Variants in ANKRD55 observed in about 807,000 individuals in gnomAD.
The protein encoded by ANKRD55 is ankyrin repeat domain-containing protein 55.
A neutral mutation model predicts 60.6 loss-of-function variants in ANKRD55; 41 were observed. That is an observed-to-expected ratio of 0.68 (90% CI 0.53 to 0.88). The LOEUF (loss-of-function observed/expected upper bound fraction) is 0.88, where lower values mean the gene tolerates loss of function less well. ANKRD55 is among the 40% of genes least tolerant of loss of function. ANKRD55 has a pLI of 0.00. For synonymous variants in ANKRD55, 264 were observed against 290.3 expected (o/e 0.91, Z 0.92); for missense variants, 732 against 767.6 (o/e 0.95, Z 0.55).
chr5:56,131,288 C>G (rs949877294), intron 7 of ANKRD55, among the ~76,000 whole-genome samples: 1 of 152,110 alleles, frequency 6.6e-6, no homozygotes, highest in Non-Finnish European at 1.5e-5. Context: ...TATAGAGGAG[C>G]AAAGAGAAGG....
At chr5:56,116,464 T>C (rs1374817697) in intron 9 of ANKRD55, 151 bp downstream of exon 9, 12 of 641,132 alleles carry the variant, frequency 1.9e-5, no homozygotes, top group Non-Finnish European at 2.2e-5. Context: ...TATAGAATCA[T>C]TTAATGTCTT....
At chr5:56,173,546 CTCT>C (rs1758657700) in intron 4 of ANKRD55, among the ~76,000 whole-genome samples, 2 of 29,072 alleles carry the variant, frequency 6.9e-5, no homozygotes, top group South Asian at 1.4e-3. Flanking sequence ...ATTCGCCTCT[CTCT>C]CTCTCTCTCT....
intron 2 of ANKRD55, among the ~76,000 whole-genome samples, chr5:56,227,371 G>T (rs1349322755): frequency 6.6e-6 from 1 of 151,570 alleles, no homozygotes; most frequent in East Asian, 1.9e-4. Context: ...ATAGCATTAG[G>T]AGATATACCT....
rs763870042 is a variant in ANKRD55, at chr5:56,127,080, G to C, written c.639C>G (p.Ile213Met). ...ACGGCCCCTGGTGATGGCTCAGAATGATGGAGCACAGAATCCTATTTCCAC... is the reference window on the plus strand; with the variant it reads ...ACGGCCCCTGGTGATGGCTCAGAATCATGGAGCACAGAATCCTATTTCCAC... ...VQSGNRILCS[I>M]ILSHHQGPSI... Residue 213 changes from isoleucine to methionine, a missense_variant, in exon 8 of 12, where the codon ATC (isoleucine) becomes ATG (methionine). Ile to Met is a conservative substitution (Grantham distance 10). Transcript: ENST00000341048. 1.2e-6 allele frequency: 2 copies of C among 1,612,238 alleles called. No homozygotes were observed. The highest frequency in any genetic ancestry group is 1.1e-5 in the South Asian group (1 of 90,568).
chr5:56,211,841 C>T (rs1032796547), intron 2 of ANKRD55, among the ~76,000 whole-genome samples: 4 of 152,040 alleles, frequency 2.6e-5, no homozygotes, highest in African/African-American at 9.7e-5. Flanking sequence ...TGGAAGCACA[C>T]CTGTGAACAA....
chr5:56,229,268 G>A (rs2111901672), intron 2 of ANKRD55, among the ~76,000 whole-genome samples: 1 of 152,206 alleles, frequency 6.6e-6, no homozygotes, highest in Admixed American at 6.5e-5. Flanking sequence ...TTTACTACAG[G>A]TCGCTTCCTG....
At chr5:56,151,191 A>T (rs1258452178) in intron 6 of ANKRD55, among the ~76,000 whole-genome samples, 2 of 152,166 alleles carry the variant, frequency 1.3e-5, no homozygotes, top group African/African-American at 4.8e-5. Flanking sequence ...AGTTATCCAT[A>T]GGTTTCACAA....
intron 8 of ANKRD55, among the ~76,000 whole-genome samples, chr5:56,120,759 C>T (rs542880238): frequency 6.0e-4 from 92 of 152,080 alleles, no homozygotes; most frequent in Non-Finnish European, 9.7e-4. Context: ...ATTAGCTGGG[C>T]GTAGTGGCAC....
intron 6 of ANKRD55, among the ~76,000 whole-genome samples, chr5:56,148,185 G>A (rs1757946085): frequency 6.6e-6 from 1 of 152,172 alleles, no homozygotes; most frequent in Non-Finnish European, 1.5e-5. Context: ...TAAAATCAGA[G>A]TCTGTTGGAT....
chr5:56,148,950 C>G (rs193163063), intron 6 of ANKRD55, among the ~76,000 whole-genome samples: 1 of 152,050 alleles, frequency 6.6e-6, no homozygotes, highest in African/African-American at 2.4e-5. Context: ...CAGCTTGGCT[C>G]TGGTTGACAT....
At chr5:56,188,710 G>A (rs111757004) in intron 2 of ANKRD55, among the ~76,000 whole-genome samples, 1,978 of 152,212 alleles carry the variant, frequency 0.013, 49 homozygotes, top group African/African-American at 0.045. Flanking sequence ...TGCTATTTTG[G>A]TTACTATAGC....
chr5:56,198,652 A>G (rs1390426733), intron 2 of ANKRD55, among the ~76,000 whole-genome samples: 4 of 152,204 alleles, frequency 2.6e-5, no homozygotes, highest in African/African-American at 9.6e-5. Flanking sequence ...TCAAAAACAA[A>G]AAAAACCAAA....
At chr5:56,112,251 G>T (rs903356299) in intron 9 of ANKRD55, among the ~76,000 whole-genome samples, 2 of 151,978 alleles carry the variant, frequency 1.3e-5, no homozygotes, top group Non-Finnish European at 2.9e-5. Context: ...TGTGGTTTTA[G>T]GCTTTCTCTG....
At chr5:56,166,302 G>A (rs975214335) in intron 5 of ANKRD55, among the ~76,000 whole-genome samples, 1 of 149,680 alleles carries the variant, frequency 6.7e-6, no homozygotes, top group Non-Finnish European at 1.5e-5. Context: ...CTGTCGCCCA[G>A]GTTGGATTAC....
rs10940499 is a variant in ANKRD55, at chr5:56,173,584, A to G, written c.312+2568T>C. On this transcript the variant is annotated intron_variant, in intron 4 of 11. Transcript: ENST00000341048. Reference sequence around the variant, plus strand: ...TCTCTCTCTCTCTCTCTCTCTCTCTATATATATATATATATATATATATCT... The same window carrying G: ...TCTCTCTCTCTCTCTCTCTCTCTCTGTATATATATATATATATATATATCT... Among the ~76,000 whole-genome samples the G allele has an allele frequency of 6.2e-5, 6 of 96,776 alleles. No homozygotes were observed. The East Asian group carries it at 2.0e-3, about 31-fold the overall frequency. The allele number at this position is 96,776 out of a possible 152,430, so 63.5% of individuals were successfully genotyped here.
intron 5 of ANKRD55, among the ~76,000 whole-genome samples, chr5:56,166,416 C>G (rs767784179): frequency 1.3e-4 from 20 of 151,688 alleles, no homozygotes; most frequent in Non-Finnish European, 2.8e-4. Context: ...CACCACTATG[C>G]CTGGCTACTT....
chr5:56,122,309 T>C (rs12659696), intron 8 of ANKRD55, among the ~76,000 whole-genome samples: 46,815 of 151,934 alleles, frequency 0.31, 7,491 homozygotes, highest in South Asian at 0.45. Flanking sequence ...TGGAAAATAC[T>C]GTGAAAAGGT....
intron 2 of ANKRD55, among the ~76,000 whole-genome samples, chr5:56,208,399 T>C (rs160012): frequency 0.33 from 50,599 of 151,326 alleles, 10,235 homozygotes; most frequent in African/African-American, 0.57. Flanking sequence ...ATTGTATGTG[T>C]TTTTTTAAAA....
rs769664867 is a variant in ANKRD55, at chr5:56,166,199, T to TTCCTTCCTTCCTTCCTTCCTTC, written c.422+4494_422+4495insGAAGGAAGGAAGGAAGGAAGGA. Among the ~76,000 whole-genome samples, 28 of 96,120 alleles carry TTCCTTCCTTCCTTCCTTCCTTC rather than the reference T, an allele frequency of 2.9e-4. 1 individual carries two copies. The highest frequency in any genetic ancestry group is 1.5e-3 in the African/African-American group (26 of 17,196). 63.1% of individuals were successfully genotyped at this position (96,120 alleles called of 152,430 possible). A position where few individuals can be genotyped will look rare whatever the true frequency, so the allele number is the denominator to read the frequency against. On this transcript the variant is annotated intron_variant, in intron 5 of 11. Transcript: ENST00000341048. ...CTTCCTTCCTTCCTTCCTTCCTTCC[T>TTCCTTCCTTCCTTCCTTCCTTC]TCTCTCTCTCTCTCTCTCTTTCTTT...
Sources: gnomAD v4.1 joint callset for allele counts (sites outside exome capture counted in the v4.1 genomes callset) on GRCh38, gnomAD v4.1.1 for gene constraint, MANE v1.5 for transcripts, NCBI Gene and HGNC (gene_info 2026-07-23, HGNC 2026-07-21) for gene names.